Variants in LTN1 observed in about 807,000 individuals in gnomAD.
The protein encoded by LTN1 is listerin E3 ubiquitin protein ligase 1.
A neutral mutation model predicts 201.2 loss-of-function variants in LTN1; 88 were observed. The observed-to-expected ratio is 0.44, with a 90% CI of 0.37 to 0.52. The LOEUF is 0.52. LTN1 is among the 20% of genes least tolerant of loss of function. LTN1 has a pLI of 0.00. For missense variants in LTN1, 1,752 were observed against 2,038.7 expected (o/e 0.86, Z 2.71); for synonymous variants, 645 against 713.5 (o/e 0.90, Z 1.53).
In LTN1 at chr21:28,958,471, T is replaced by C. The variant is rs2084445344; in HGVS notation, c.2662A>G (p.Ser888Gly). 6.2e-7 allele frequency: 1 copy of C among 1,612,216 alleles called. No individual in the cohort carries two copies. Among genetic ancestry groups the C allele is most frequent in the Non-Finnish European group, 8.5e-7 (1 of 1,179,042 alleles). ...AGGAAGGTACTCTCTTTATATGAAC[T>C]GTCAGTTTGATGAACCAATAAATTT... ...GVNLLVHQTD[S>G]SYKESTFLHL... Residue 888 changes from serine (S) to glycine (G), a missense_variant, in exon 14 of 30, where the codon AGT (serine) becomes GGT (glycine). Ser to Gly is a moderately conservative substitution (Grantham distance 56). Transcript: ENST00000361371.
At chr21:28,968,734 A>C (rs2084546705) in intron 9 of LTN1, among the ~76,000 whole-genome samples, 1 of 151,636 alleles carries the variant, frequency 6.6e-6, no homozygotes. Flanking sequence ...CAGCCTCCTG[A>C]GTAGCTGGGA....
chr21:28,964,902 A>T (rs2084509091), intron 11 of LTN1: 1 of 1,199,586 alleles, frequency 8.3e-7, no homozygotes, highest in Admixed American at 3.3e-5. Context: ...AAGGCACTAG[A>T]TAAACTAAGG....
At chr21:28,946,363 A>T (rs1335734151) in intron 19 of LTN1, 76 bp from the exon 20 acceptor site, 2 of 924,594 alleles carry the variant, frequency 2.2e-6, no homozygotes, top group Non-Finnish European at 3.1e-6. Context: ...GTCCACTTTG[A>T]GAAGTAAAAG....
intron 3 of LTN1, among the ~76,000 whole-genome samples, chr21:28,985,764 G>A (rs990323289): frequency 1.4e-4 from 21 of 151,428 alleles, no homozygotes; most frequent in African/African-American, 2.9e-4. Context: ...GGGTTCAAGC[G>A]ATTTTCCTGC....
intron 25 of LTN1, among the ~76,000 whole-genome samples, chr21:28,939,208 T>C (rs1483655571): frequency 6.6e-6 from 1 of 152,230 alleles, no homozygotes; most frequent in African/African-American, 2.4e-5. Context: ...TTAAGTAGTA[T>C]ACAGGAAGAT....
At chr21:28,933,965 CA>C (rs2084233615) in intron 27 of LTN1, among the ~76,000 whole-genome samples, 1 of 152,056 alleles carries the variant, frequency 6.6e-6, no homozygotes, top group Admixed American at 6.6e-5. Flanking sequence ...CGTGAGCCAC[CA>C]CACTCGGCCT....
Position 28,970,752 on chromosome 21 carries a change from C to G in LTN1, c.985-10G>C. On this transcript the variant is annotated splice_polypyrimidine_tract_variant and intron_variant, in intron 7 of 29. Coordinates refer to ENST00000361371, the MANE Select transcript of LTN1 (RefSeq NM_015565.3). ...CATGAAGCCAACAGTCCTAACCAAA[C>G]AAAAGATTATAGTAGTAATTAGAGA... The G allele has an allele frequency of 1.3e-6, 2 of 1,599,850 alleles. No individual in the cohort carries two copies. Among genetic ancestry groups the G allele is most frequent in the Non-Finnish European group, 1.7e-6 (2 of 1,170,084 alleles).
At chr21:28,963,972 C>T (rs2084500555) in intron 11 of LTN1, among the ~76,000 whole-genome samples, 2 of 152,132 alleles carry the variant, frequency 1.3e-5, no homozygotes, top group Admixed American at 1.3e-4. Context: ...GACTGAAATG[C>T]TGCAATATCA....
At chr21:28,992,724 A>C in intron 1 of LTN1, 40 bp downstream of exon 1, 1 of 1,612,126 alleles carries the variant, frequency 6.2e-7, no homozygotes, top group Non-Finnish European at 8.5e-7. Context: ...AGCCGCCTCG[A>C]AGCGAGGCTC....
At chr21:28,933,987 T>C (rs2084233967) in intron 27 of LTN1, among the ~76,000 whole-genome samples, 1 of 152,184 alleles carries the variant, frequency 6.6e-6, no homozygotes, top group Middle Eastern at 3.2e-3. Context: ...ATTTTCTTTA[T>C]AGTAAATGCC....
rs954445233 is a variant in LTN1, at chr21:28,977,918, ACT to A, written c.810+3199_810+3200del. Among the ~76,000 whole-genome samples, 168 of 148,692 alleles carry A rather than the reference ACT, an allele frequency of 1.1e-3. 1 individual carries two copies. Among genetic ancestry groups the A allele is most frequent in the African/African-American group, 3.6e-3 (148 of 40,876 alleles). ...ACTTCAGCCTAGGTGACAGAGTAAG[ACT>A]CTGTCTCAAAAAAAAAAAAAGACAT... On this transcript the variant is annotated intron_variant, in intron 6 of 29. Coordinates refer to ENST00000361371, the MANE Select transcript of LTN1 (RefSeq NM_015565.3).
intron 18 of LTN1, among the ~76,000 whole-genome samples, chr21:28,951,124 C>T (rs1198788019): frequency 1.3e-5 from 2 of 152,138 alleles, no homozygotes; most frequent in Non-Finnish European, 2.9e-5. Context: ...TAAAGTTATG[C>T]AAAACAGTAC....
chr21:28,979,656 G>T (rs1433993657), intron 6 of LTN1, among the ~76,000 whole-genome samples: 1 of 152,098 alleles, frequency 6.6e-6, no homozygotes, highest in Non-Finnish European at 1.5e-5. Flanking sequence ...AAATTAATTT[G>T]TAACCCCAAA....
intron 8 of LTN1, 47 bp downstream of exon 8, chr21:28,970,505 C>A: frequency 3.1e-6 from 4 of 1,297,860 alleles, no homozygotes; most frequent in East Asian, 2.4e-5. Flanking sequence ...AGTATAAAAA[C>A]AAGAAAATCT....
At chr21:28,971,492 T>A in intron 6 of LTN1, 48 bp from the exon 7 acceptor site, 3 of 1,545,308 alleles carry the variant, frequency 1.9e-6, no homozygotes, top group Non-Finnish European at 2.7e-6. Flanking sequence ...TAAAACTTGA[T>A]AAGATTTTTA....
In LTN1 at chr21:28,986,288, T is replaced by C; in HGVS notation, c.247-51A>G. On this transcript the variant is annotated intron_variant, in intron 2 of 29. Coordinates refer to ENST00000361371, the MANE Select transcript of LTN1 (RefSeq NM_015565.3). The surrounding 1 kb of genome is among the most constrained non-coding windows in gnomAD (Gnocchi z 4.1). ...AGGATTAACAACCATAATAACTGGC[T>C]ATAGATTATTCTGTTCTGGAAGCTT... 9.5e-7 allele frequency: 1 copy of C among 1,053,846 alleles called. No individual in the cohort carries two copies. The highest frequency in any genetic ancestry group is 1.5e-6 in the Non-Finnish European group (1 of 685,134). The allele number at this position is 1,053,846 out of a possible 1,614,324, so 65.3% of individuals were successfully genotyped here.
intron 27 of LTN1, among the ~76,000 whole-genome samples, chr21:28,934,688 C>T (rs1191518966): frequency 5.3e-5 from 8 of 152,118 alleles, no homozygotes; most frequent in Non-Finnish European, 1.2e-4. Context: ...AATTCCTGAC[C>T]TCAAGTGATC....
chr21:28,985,108 A>T (rs531979586), intron 3 of LTN1, among the ~76,000 whole-genome samples, 186 bp from the exon 4 acceptor site: 2 of 152,302 alleles, frequency 1.3e-5, no homozygotes, highest in East Asian at 1.9e-4. Context: ...ATAATTTATT[A>T]ATTTTTCTTT....
rs1025230530 is a variant in LTN1, at chr21:28,958,457, C to G, written c.2676G>C (p.Glu892Asp). The G allele has an allele frequency of 2.5e-6, 4 of 1,612,122 alleles. No individual in the cohort carries two copies. The highest frequency in any genetic ancestry group is 3.4e-6 in the Non-Finnish European group (4 of 1,179,066). Residue 892 changes from glutamate to aspartate, a missense_variant, in exon 14 of 30, where the codon GAG becomes GAC. By Grantham distance (45) the Glu-to-Asp change is conservative (BLOSUM62 2). Around this residue, in one of 3 missense-constraint regions of LTN1, gnomAD observed 1,211 missense variants for 1,312.8 expected, o/e 0.92. Coordinates refer to ENST00000361371, the MANE Select transcript of LTN1 (RefSeq NM_015565.3). The stretch of plus-strand genomic sequence containing the variant: ...GAGCAGACAAATGTAGGAAGGTACT[C>G]TCTTTATATGAACTGTCAGTTTGAT... The part of the protein sequence containing the change: ...LVHQTDSSYK[E>D]STFLHLSALW...
Sources: allele counts gnomAD v4.1 joint callset (sites outside exome capture counted in the v4.1 genomes callset), GRCh38; gene constraint gnomAD v4.1.1; regional missense constraint gnomAD v4.1.1; non-coding constraint Gnocchi (gnomAD v3.1); transcripts MANE v1.5; gene names NCBI Gene and HGNC (gene_info 2026-07-23, HGNC 2026-07-21).